Variants in ETAA1 observed in about 807,000 individuals in gnomAD.
ETAA1 encodes the protein ewing's tumor-associated antigen 1.
Under a neutral mutation model 76.8 loss-of-function variants are expected in ETAA1, and 49 were observed. That is an observed-to-expected ratio of 0.64 (90% CI 0.51 to 0.81). The LOEUF is 0.81. ETAA1 is among the 30% of genes least tolerant of loss of function. The probability of loss-of-function intolerance (pLI) is 0.00; values close to 1 mark genes in which losing one functional copy is unlikely to be tolerated. For synonymous variants in ETAA1, 373 were observed against 372.2 expected (o/e 1.00, Z -0.03); for missense variants, 1,099 against 1,074.0 (o/e 1.02, Z -0.32).
intron 1 of ETAA1, 26 bp from the exon 2 acceptor site, chr2:67,399,140 AATT>A: frequency 6.3e-7 from 1 of 1,595,324 alleles, no homozygotes; most frequent in Non-Finnish European, 8.5e-7. Context: ...AAAATGCAAC[AATT>A]GTTATTTTAC....
chr2:67,407,246 TAAAAAA>T (rs71395915), intron 5 of ETAA1, among the ~76,000 whole-genome samples: 1 of 102,294 alleles, frequency 9.8e-6, no homozygotes, highest in African/African-American at 3.5e-5. Context: ...GCTGATGAAC[TAAAAAA>T]AAAAAAAAAA....
At chr2:67,403,070 T>A (rs1676099643) in intron 4 of ETAA1, 96 bp downstream of exon 4, 2 of 1,179,252 alleles carry the variant, frequency 1.7e-6, no homozygotes, top group East Asian at 5.3e-5. Context: ...AAAATTTTTG[T>A]TAATAAAATT....
Position 67,399,230 on chromosome 2 carries a change from T to A in ETAA1, c.285T>A (p.Ser95=). The A allele has an allele frequency of 1.2e-6, 2 of 1,613,496 alleles. No homozygotes were observed. The highest frequency in any genetic ancestry group is 1.7e-6 in the Non-Finnish European group (2 of 1,179,504). The part of the protein sequence containing the change: ...KMDSLSSSFS[S]PNDPDGQNDI... ...ACTCACTGTCATCTTCCTTCAGTTC[T>A]CCTAATGATCCAGATGGACAGAATG... The change falls in exon 2 of 6, where the codon TCT becomes TCA. Residue 95 remains serine (S), a synonymous_variant. Transcript: ENST00000272342.
Position 67,409,972 on chromosome 2 carries a change from A to T in ETAA1, c.2715A>T (p.Ala905=). Residue 905 remains alanine (A), a synonymous_variant, in exon 6 of 6, where the codon GCA becomes GCT. Transcript: ENST00000272342. ...PEEIQRKRQE[A]LVRRMAKARA... ...AAATTCAGAGAAAAAGACAAGAAGCACTGGTTCGGAGAATGGCTAAAGCAC... is the reference window on the plus strand; with the variant it reads ...AAATTCAGAGAAAAAGACAAGAAGCTCTGGTTCGGAGAATGGCTAAAGCAC... 1 of 1,609,340 alleles carries T rather than the reference A, an allele frequency of 6.2e-7. No homozygotes were observed. Among genetic ancestry groups the T allele is most frequent in the South Asian group, 1.1e-5 (1 of 90,056 alleles).
chr2:67,403,234 A>G lies in ETAA1; in HGVS notation c.552A>G (p.Thr184=), dbSNP rs1269468953. 1 of 1,552,660 alleles carries G rather than the reference A, an allele frequency of 6.4e-7. No homozygotes were observed. The highest frequency in any genetic ancestry group is 1.2e-5 in the South Asian group (1 of 80,766). The change falls in exon 5 of 6, where the codon ACA becomes ACG. Residue 184 remains threonine, a synonymous_variant. Coordinates refer to ENST00000272342, the MANE Select transcript of ETAA1 (RefSeq NM_019002.4). ...TAATCTTGTTTAATAGGTTAAAAAC[A>G]CAAAGTCAAGAAGAAGAACTTATGA... The part of the protein sequence containing the change: ...RAKISCTKLK[T]QSQEEELMKL...
Position 67,410,349 on chromosome 2 carries a change from TC to T in ETAA1, c.*312del, listed in dbSNP as rs1676340701. ...CAGAGGATCATCAAAAAAGAGGTAATCTACGTTATTTCCTATTCTAATGTCT... is the reference window on the plus strand; with the variant it reads ...CAGAGGATCATCAAAAAAGAGGTAATTACGTTATTTCCTATTCTAATGTCT... On this transcript the variant is annotated 3_prime_UTR_variant, in exon 6 of 6. Transcript: ENST00000272342. 1 of 200,376 alleles carries T rather than the reference TC, an allele frequency of 5.0e-6. No individual in the cohort carries two copies. The highest frequency in any genetic ancestry group is 9.9e-6 in the Non-Finnish European group (1 of 100,560). 12.4% of individuals were successfully genotyped at this position (200,376 alleles called of 1,614,324 possible).
rs1298396524 is a variant in ETAA1, at chr2:67,409,942, T to G, written c.2685T>G (p.Pro895=). Residue 895 remains proline (P), a synonymous_variant, in exon 6 of 6, where the codon CCT becomes CCG. Coordinates refer to ENST00000272342, the MANE Select transcript of ETAA1 (RefSeq NM_019002.4). ...AAGAGAAAAATAGAAAGTGTTCTCC[T>G]GAAGAAATTCAGAGAAAAAGACAAG... ...EEEEKNRKCS[P]EEIQRKRQEA... 2 of 1,606,266 alleles carry G rather than the reference T, an allele frequency of 1.2e-6. No homozygotes were observed. The highest frequency in any genetic ancestry group is 4.5e-5 in the East Asian group (2 of 44,648).
intron 2 of ETAA1, 58 bp downstream of exon 2, chr2:67,399,355 A>T: frequency 2.7e-6 from 4 of 1,478,890 alleles, no homozygotes; most frequent in Non-Finnish European, 3.7e-6. Context: ...ATTCAGATTT[A>T]ACTAGAATTC....
rs140959272 is a variant in ETAA1, at chr2:67,405,098, G to T, written c.2416G>T (p.Asp806Tyr). Residue 806 changes from aspartate to tyrosine, a missense_variant, in exon 5 of 6, where the codon GAT (aspartate) becomes TAT (tyrosine). By Grantham distance (160) the Asp-to-Tyr change is radical. This residue lies in a region of ETAA1 where 302 missense variants were observed against 278.1 expected (regional missense o/e 1.09). Transcript: ENST00000272342. ...TNQPCHKTVT[D>Y]EAQSNLNTTV... ...TCAGCCATGCCATAAGACTGTAACA[G>T]ATGAAGCTCAGAGCAACCTTAACAC... is the stretch of plus-strand genomic sequence containing the variant. 2.9e-5 allele frequency: 46 copies of T among 1,612,612 alleles called. No individual in the cohort carries two copies. In the African/African-American group the frequency reaches 6.0e-4, roughly 21 times the overall value.
In ETAA1 at chr2:67,404,885, A is replaced by G. The variant is rs1489769256; in HGVS notation, c.2203A>G (p.Asn735Asp). 3.7e-6 allele frequency: 6 copies of G among 1,612,906 alleles called. No individual in the cohort carries two copies. Among genetic ancestry groups the G allele is most frequent in the African/African-American group, 1.3e-5 (1 of 74,876 alleles). Reference sequence around the variant, plus strand: ...TTCTCCAAGATTTTTAGGTGCCACAAATTTGACTATGTATTCTAAGATCTC... The same window carrying G: ...TTCTCCAAGATTTTTAGGTGCCACAGATTTGACTATGTATTCTAAGATCTC... The part of the protein sequence containing the change: ...GNSPRFLGAT[N>D]LTMYSKISNC... Residue 735 changes from asparagine to aspartate, a missense_variant, in exon 5 of 6, where the codon AAT becomes GAT. By Grantham distance (23) the Asn-to-Asp change is conservative. This residue lies in a region of ETAA1 where 302 missense variants were observed against 278.1 expected (regional missense o/e 1.09). Transcript: ENST00000272342.
chr2:67,410,204 T>A lies in ETAA1; in HGVS notation c.*166T>A, dbSNP rs75828124. 24,505 of 655,232 alleles carry A rather than the reference T, an allele frequency of 0.037. 600 individuals carry two copies. The highest frequency in any genetic ancestry group is 0.048 in the Non-Finnish European group (19,011 of 394,588). 40.6% of individuals were successfully genotyped at this position (655,232 alleles called of 1,614,324 possible). A position where few individuals can be genotyped will look rare whatever the true frequency, so the allele number is the denominator to read the frequency against. On this transcript the variant is annotated 3_prime_UTR_variant, in exon 6 of 6. Transcript: ENST00000272342. Reference sequence around the variant, plus strand: ...ATGTTTGCAATGGTAAATGAAACATTTCCTTGGACATGTATTTGAAAGTCA... The same window carrying A: ...ATGTTTGCAATGGTAAATGAAACATATCCTTGGACATGTATTTGAAAGTCA...
intron 3 of ETAA1, among the ~76,000 whole-genome samples, chr2:67,399,916 G>T (rs202237430): frequency 9.2e-5 from 2 of 21,640 alleles, no homozygotes; most frequent in Admixed American, 9.4e-4. Context: ...AACAACATAC[G>T]ACATCATTTT....
intron 5 of ETAA1, among the ~76,000 whole-genome samples, chr2:67,405,776 C>T (rs1014312843): frequency 3.9e-5 from 6 of 151,984 alleles, no homozygotes; most frequent in Non-Finnish European, 7.4e-5. Context: ...TCTAATTAAA[C>T]GTCTTTACTA....
chr2:67,409,457 A>G (rs1314995472), intron 5 of ETAA1, among the ~76,000 whole-genome samples: 1 of 152,032 alleles, frequency 6.6e-6, no homozygotes, highest in Non-Finnish European at 1.5e-5. Flanking sequence ...AGATGTGAAT[A>G]TTAATATAAC....
rs371395310 is a variant in ETAA1, at chr2:67,399,593, G to C, written c.396G>C (p.Glu132Asp). Residue 132 changes from glutamate (E) to aspartate (D), a missense_variant, in exon 3 of 6, where the codon GAG (glutamate) becomes GAC (aspartate). Physicochemically the swap from Glu to Asp is conservative, Grantham distance 45 (BLOSUM62 2). This residue lies in a region of ETAA1 where 761 missense variants were observed against 731.9 expected (regional missense o/e 1.04). Coordinates refer to ENST00000272342, the MANE Select transcript of ETAA1 (RefSeq NM_019002.4). The stretch of plus-strand genomic sequence containing the variant: ...AGATTTACACCACAGATAGTGATGA[G>C]ATTTCACATATTGTTAATCGTATTG... The part of the protein sequence containing the change: ...KKQIYTTDSD[E>D]ISHIVNRIAP... The C allele has an allele frequency of 1.4e-5, 23 of 1,608,588 alleles. No homozygotes were observed. The highest frequency in any genetic ancestry group is 3.4e-5 in the Admixed American group (2 of 59,602).
intron 1 of ETAA1, 47 bp downstream of exon 1, chr2:67,397,718 C>A: frequency 6.6e-7 from 1 of 1,517,832 alleles, no homozygotes; most frequent in South Asian, 1.2e-5. Flanking sequence ...CGCCGCATCC[C>A]CACATCCCAG....
chr2:67,402,574 A>G (rs1676084882), intron 3 of ETAA1: 1 of 166,064 alleles, frequency 6.0e-6, no homozygotes, highest in African/African-American at 2.4e-5. Context: ...TATTAAATGT[A>G]CATTTGATAA....
At chr2:67,399,106 T>G in intron 1 of ETAA1, 63 bp from the exon 2 acceptor site, 1 of 1,452,888 alleles carries the variant, frequency 6.9e-7, no homozygotes, top group Non-Finnish European at 9.4e-7. Flanking sequence ...GACCTTGGGG[T>G]CTTACGAAGT....
rs1676324168 is a variant in ETAA1 at position 67,409,924 on chromosome 2, A to C, written c.2667A>C (p.Lys889Asn). The C allele has an allele frequency of 1.9e-6, 3 of 1,595,322 alleles. No individual in the cohort carries two copies. The highest frequency in any genetic ancestry group is 2.6e-6 in the Non-Finnish European group (3 of 1,174,466). Reference sequence around the variant, plus strand: ...TTGAATTTTTAGAGGAAGAAGAGAAAAATAGAAAGTGTTCTCCTGAAGAAA... The same window carrying C: ...TTGAATTTTTAGAGGAAGAAGAGAACAATAGAAAGTGTTCTCCTGAAGAAA... ...LKQSSKEEEE[K>N]NRKCSPEEIQ... Residue 889 changes from lysine to asparagine, a missense_variant, in exon 6 of 6, where the codon AAA (lysine) becomes AAC (asparagine). Around this residue, in one of 3 missense-constraint regions of ETAA1, gnomAD observed 302 missense variants for 278.1 expected, o/e 1.09. Transcript: ENST00000272342.
Sources: gnomAD v4.1 joint callset for allele counts (sites outside exome capture counted in the v4.1 genomes callset) on GRCh38, gnomAD v4.1.1 for gene constraint, gnomAD v4.1.1 regional missense constraint, MANE v1.5 for transcripts, NCBI Gene and HGNC (gene_info 2026-07-23, HGNC 2026-07-21) for gene names.